The following CUL1 variants were observed in gnomAD, a reference collection of about 807,000 sequenced individuals.
CUL1 encodes cullin-1.
In CUL1, 24 loss-of-function variants were observed where a neutral mutation model predicts 118.0. That is an observed-to-expected ratio of 0.20 (90% CI 0.15 to 0.29). CUL1 has a LOEUF of 0.29. Ranked by LOEUF, CUL1 falls within the 10% of genes least tolerant of loss-of-function variation. CUL1 has a pLI of 1.00. For missense variants in CUL1, 361 were observed against 933.8 expected, an observed-to-expected ratio of 0.39 and a Z score of 7.99; for synonymous variants, 332 against 340.4, an observed-to-expected ratio of 0.98 and a Z score of 0.27.
At chr7:148,723,789 CTTTT>C (rs3059219) in intron 1 of CUL1, among the ~76,000 whole-genome samples, 1 of 145,152 alleles carries the variant, frequency 6.9e-6, no homozygotes, top group South Asian at 2.2e-4. Flanking sequence ...CAGCACAGAT[CTTTT>C]TTTTTTTTTC....
intron 18 of CUL1, 28 bp downstream of exon 18, chr7:148,797,887 T>C (rs1329710432): frequency 1.2e-6 from 2 of 1,610,954 alleles, no homozygotes; most frequent in South Asian, 1.1e-5. Flanking sequence ...TATCTTACAC[T>C]AGAAGAAGCC....
At chr7:148,726,850 ATTTTT>A (rs57464809) in intron 1 of CUL1, among the ~76,000 whole-genome samples, 2 of 148,600 alleles carry the variant, frequency 1.3e-5, no homozygotes, top group Non-Finnish European at 3.0e-5. Flanking sequence ...AAAAAAAAAA[ATTTTT>A]TTTTAAATTA....
rs1373703327 is a variant in CUL1, at chr7:148,749,154, C to T, written c.141-4822C>T. Among the ~76,000 whole-genome samples the T allele has an allele frequency of 5.9e-5, 9 of 152,132 alleles. No individual in the cohort carries two copies. The South Asian group carries it at 1.4e-3, about 25-fold the overall frequency. On this transcript the variant is annotated intron_variant, in intron 2 of 21. Coordinates refer to ENST00000325222, the MANE Select transcript of CUL1 (RefSeq NM_003592.3). ...GAAGTAGTCTGGGCGTGGTGGCTCA[C>T]GCCTGTAATCCCAGCACCTTGGGAG...
At chr7:148,793,263 T>C (rs1222743951) in intron 17 of CUL1, among the ~76,000 whole-genome samples, 1 of 152,230 alleles carries the variant, frequency 6.6e-6, no homozygotes, top group Non-Finnish European at 1.5e-5. Flanking sequence ...ATTTCCACTT[T>C]AGTATTATTT....
At chr7:148,753,928 A>G (rs1246926602) in intron 2 of CUL1, 48 bp from the exon 3 acceptor site, 1 of 1,365,530 alleles carries the variant, frequency 7.3e-7, no homozygotes, top group Non-Finnish European at 1.0e-6. Context: ...TATGTTAATG[A>G]CCGTTAACGT....
chr7:148,795,117 G>A (rs1396327247), intron 17 of CUL1, among the ~76,000 whole-genome samples: 1 of 151,930 alleles, frequency 6.6e-6, no homozygotes, highest in Admixed American at 6.6e-5. Flanking sequence ...ATAGGCGTGA[G>A]CCACCGTGCC....
chr7:148,761,921 C>T (rs1417331535), intron 7 of CUL1, among the ~76,000 whole-genome samples: 2 of 152,192 alleles, frequency 1.3e-5, no homozygotes, highest in South Asian at 2.1e-4. Context: ...CAACATAGAT[C>T]CCTCACGTGT....
chr7:148,718,892 T>A (rs1467715949), intron 1 of CUL1, among the ~76,000 whole-genome samples: 1 of 152,230 alleles, frequency 6.6e-6, no homozygotes, highest in Non-Finnish European at 1.5e-5. Context: ...GAATTTGACT[T>A]GGAATTCGTT....
Position 148,724,276 on chromosome 7 carries a change from T to C in CUL1, c.-161-5686T>C, listed in dbSNP as rs138002019. On this transcript the variant is annotated intron_variant, in intron 1 of 21. Transcript: ENST00000325222. ...GAATTGTTAGGGAGCTTGTTTCATA[T>C]TGATTCTGTTGGCTTTCATCTTCTT... is the stretch of plus-strand genomic sequence containing the variant. 2.6e-5 allele frequency among the ~76,000 whole-genome samples: 4 copies of C among 152,368 alleles called. No individual in the cohort carries two copies. In the East Asian group the frequency reaches 7.7e-4, roughly 29 times the overall value.
At chr7:148,729,161 A>G (rs1397493556) in intron 1 of CUL1, among the ~76,000 whole-genome samples, 2 of 152,232 alleles carry the variant, frequency 1.3e-5, no homozygotes, top group South Asian at 2.1e-4. Flanking sequence ...GAAGCATTAT[A>G]TATTGTATTT....
chr7:148,797,273 T>TGAA (rs767276285), intron 17 of CUL1, among the ~76,000 whole-genome samples: 10 of 151,924 alleles, frequency 6.6e-5, no homozygotes, highest in East Asian at 1.9e-4. Flanking sequence ...ACTTAAGAAG[T>TGAA]GAAGAGTTCC....
At position 148,800,555 on chromosome 7, in the gene CUL1, A is replaced by G; in HGVS notation, c.2304A>G (p.Glu768=). The G allele has an allele frequency of 1.9e-6, 3 of 1,613,860 alleles. No individual in the cohort carries two copies. Among genetic ancestry groups the G allele is most frequent in the Non-Finnish European group, 2.5e-6 (3 of 1,179,736 alleles). Reference sequence around the variant, plus strand: ...AATATTTGGAGCGAGTGGATGGTGAAAAGGACACCTACAGTTACTTGGCTT... The same window carrying G: ...AATATTTGGAGCGAGTGGATGGTGAGAAGGACACCTACAGTTACTTGGCTT... The part of the protein sequence containing the change: ...EKEYLERVDG[E]KDTYSYLA The change falls in exon 22 of 22, where the codon GAA becomes GAG. Residue 768 remains glutamate (E), a synonymous_variant. Coordinates refer to ENST00000325222, the MANE Select transcript of CUL1 (RefSeq NM_003592.3). The surrounding 1 kb of genome is among the most constrained non-coding windows in gnomAD (Gnocchi z 4.6).
At chr7:148,697,915 CTATTT>C (rs1483886089), upstream of CUL1, 2 of 152,200 alleles carry the variant, frequency 1.3e-5, no homozygotes, top group Admixed American at 6.5e-5. Flanking sequence ...GAAAACAATA[CTATTT>C]TATATCACGA....
intron 2 of CUL1, among the ~76,000 whole-genome samples, chr7:148,748,094 G>A (rs1009638187): frequency 2.0e-5 from 3 of 152,004 alleles, no homozygotes; most frequent in Non-Finnish European, 4.4e-5. Context: ...GAGCTATAAG[G>A]GAACAAGTAA....
At chr7:148,797,497 C>T (rs539765736) in intron 17 of CUL1, among the ~76,000 whole-genome samples, 3 of 151,344 alleles carry the variant, frequency 2.0e-5, no homozygotes, top group African/African-American at 7.3e-5. Flanking sequence ...GAAATCCAAA[C>T]ACTTCTAGTC....
rs1269506881 is a variant in CUL1 at position 148,785,565 on chromosome 7, T to C, written c.1299-986T>C. ...TTTTAGTAGAGACAGGGTTTCACCATGTTGGCCAGGCTCGTCTCGAACTCC... is the reference window on the plus strand; with the variant it reads ...TTTTAGTAGAGACAGGGTTTCACCACGTTGGCCAGGCTCGTCTCGAACTCC... On this transcript the variant is annotated intron_variant, in intron 11 of 21. Coordinates refer to ENST00000325222, the MANE Select transcript of CUL1 (RefSeq NM_003592.3). Among the ~76,000 whole-genome samples, 5 of 150,308 alleles carry C rather than the reference T, an allele frequency of 3.3e-5. 1 individual carries two copies. Among genetic ancestry groups the C allele is most frequent in the Middle Eastern group, 6.8e-3 (2 of 292 alleles).
At chr7:148,748,998 G>A (rs1302715806) in intron 2 of CUL1, among the ~76,000 whole-genome samples, 1 of 152,126 alleles carries the variant, frequency 6.6e-6, no homozygotes, top group African/African-American at 2.4e-5. Context: ...TCTAGTATTA[G>A]TATAGGTTTT....
chr7:148,725,789 G>C (rs1465971303), intron 1 of CUL1, among the ~76,000 whole-genome samples: 1 of 152,168 alleles, frequency 6.6e-6, no homozygotes, highest in East Asian at 1.9e-4. Context: ...AGTTATTAAT[G>C]TTTTAAGTAC....
intron 1 of CUL1, among the ~76,000 whole-genome samples, chr7:148,713,045 C>T (rs1256196952): frequency 7.3e-6 from 1 of 137,494 alleles, no homozygotes. Flanking sequence ...TTCCAGTTCC[C>T]TTTTACTAAG....
Sources: allele counts gnomAD v4.1 joint callset (sites outside exome capture counted in the v4.1 genomes callset), GRCh38; gene constraint gnomAD v4.1.1; non-coding constraint Gnocchi (gnomAD v3.1); transcripts MANE v1.5; gene names NCBI Gene and HGNC (gene_info 2026-07-23, HGNC 2026-07-21).